Variants in SLC38A6 observed in about 807,000 individuals in gnomAD.
SLC38A6 encodes solute carrier family 38 member 6, also known as N system amino acid transporter NAT-1.
A neutral mutation model predicts 65.0 loss-of-function variants in SLC38A6; 73 were observed. The ratio of observed to expected loss-of-function variants is 1.12; its 90% confidence interval spans 0.93 to 1.37. The LOEUF is 1.37. Among genes scored for constraint, SLC38A6 ranks in the 40% most tolerant of loss-of-function variants. The probability of loss-of-function intolerance (pLI) is 0.00; values close to 1 mark genes in which losing one functional copy is unlikely to be tolerated. For missense variants in SLC38A6, 561 were observed against 531.1 expected (o/e 1.06, Z -0.55); for synonymous variants, 183 against 178.8 (o/e 1.02, Z -0.19).
At chr14:61,072,993 C>T (rs113457111) in intron 15 of SLC38A6, among the ~76,000 whole-genome samples, 45 of 152,150 alleles carry the variant, frequency 3.0e-4, no homozygotes, top group Non-Finnish European at 5.7e-4. Flanking sequence ...TACATCCCCC[C>T]CAACAGTGCA....
At chr14:61,030,834 A>T (rs1165917887) in intron 6 of SLC38A6, 1 of 177,770 alleles carries the variant, frequency 5.6e-6, no homozygotes, top group Admixed American at 6.2e-5. Flanking sequence ...ATAAAGGGTA[A>T]ATTTCTGGGG....
intron 13 of SLC38A6, among the ~76,000 whole-genome samples, chr14:61,051,159 A>T (rs529237742): frequency 4.1e-4 from 63 of 152,330 alleles, no homozygotes; most frequent in African/African-American, 1.4e-3. Flanking sequence ...TCTGAGAAAA[A>T]GGGAACAAAG....
At chr14:61,074,783 A>G (rs569247623) in intron 15 of SLC38A6, among the ~76,000 whole-genome samples, 32 of 149,378 alleles carry the variant, frequency 2.1e-4, no homozygotes, top group African/African-American at 7.4e-4. Flanking sequence ...CAAAAGGATA[A>G]GAAGCTGCTT....
At chr14:61,020,554 C>T (rs551360242) in intron 5 of SLC38A6, among the ~76,000 whole-genome samples, 7 of 152,118 alleles carry the variant, frequency 4.6e-5, no homozygotes, top group African/African-American at 1.7e-4. Context: ...GTGAATTGTG[C>T]TGCCATTGTT....
chr14:61,068,404 G>A (rs1222804458), intron 15 of SLC38A6, among the ~76,000 whole-genome samples: 1 of 152,054 alleles, frequency 6.6e-6, no homozygotes, highest in Admixed American at 6.5e-5. Flanking sequence ...TCCATGCCAT[G>A]GCCTACAAGG....
chr14:61,069,396 A>G (rs1415170542), intron 15 of SLC38A6, among the ~76,000 whole-genome samples: 1 of 151,982 alleles, frequency 6.6e-6, no homozygotes, highest in South Asian at 2.1e-4. Context: ...TACCCCCATT[A>G]ATCCCAGATT....
At chr14:61,015,374 ACTGCACCCACTGTC>A (rs1282707918) in intron 3 of SLC38A6, among the ~76,000 whole-genome samples, 1 of 151,886 alleles carries the variant, frequency 6.6e-6, no homozygotes, top group East Asian at 1.9e-4. Flanking sequence ...TGCTCGGTTC[ACTGCACCCACTGTC>A]CTGCACCCAC....
intron 6 of SLC38A6, chr14:61,034,141 A>G (rs969864699): frequency 6.6e-6 from 1 of 152,110 alleles, no homozygotes; most frequent in Non-Finnish European, 1.5e-5. Context: ...CCCACAGTTC[A>G]GTGCTTTGGT....
At position 61,037,125 on chromosome 14, in the gene SLC38A6, A is replaced by C; in HGVS notation, c.549A>C (p.Ala183=). Reference sequence around the variant, plus strand: ...GTGTTGGCATTGTGTTCCCTCTTGCACTTCTTCCCAAAATAGGTAAGTCTT... The same window carrying C: ...GTGTTGGCATTGTGTTCCCTCTTGCCCTTCTTCCCAAAATAGGTAAGTCTT... ...IICVGIVFPL[A]LLPKIGFLGY... is the part of the protein sequence containing the mutation. Residue 183 remains alanine (A), a synonymous_variant, in exon 7 of 16, where the codon GCA becomes GCC. Transcript: ENST00000267488. 3 of 1,603,668 alleles carry C rather than the reference A, an allele frequency of 1.9e-6. No individual in the cohort carries two copies. Among genetic ancestry groups the C allele is most frequent in the Non-Finnish European group, 2.6e-6 (3 of 1,174,638 alleles).
chr14:61,060,992 C>T (rs1026270472), intron 15 of SLC38A6, among the ~76,000 whole-genome samples: 5 of 151,346 alleles, frequency 3.3e-5, no homozygotes, highest in Admixed American at 6.6e-5. Flanking sequence ...GCGCACGGTG[C>T]GCGCACACAC....
At position 61,015,957 on chromosome 14, in the gene SLC38A6, G is replaced by C; in HGVS notation, c.363+1G>C. On this transcript the variant is annotated splice_donor_variant, in intron 4 of 15. Transcript: ENST00000267488. LOFTEE classifies it high-confidence loss of function. ...CTTTGCATTTGGATTACCTGGAAAG[G>C]TAATTTTTTTTCCTCCTCATTGTGT... 1 of 1,604,640 alleles carries C rather than the reference G, an allele frequency of 6.2e-7. No individual in the cohort carries two copies. Among genetic ancestry groups the C allele is most frequent in the Admixed American group, 1.7e-5 (1 of 57,772 alleles).
chr14:61,027,175 A>G (rs1241134672), intron 5 of SLC38A6, among the ~76,000 whole-genome samples: 1 of 152,132 alleles, frequency 6.6e-6, no homozygotes, highest in Non-Finnish European at 1.5e-5. Flanking sequence ...AGAAGTTTCT[A>G]TTAAATGAGT....
At position 61,083,573 on chromosome 14, in the gene SLC38A6, T is replaced by C. The variant is rs1039569940; in HGVS notation, c.1427T>C (p.Met476Thr). The C allele has an allele frequency of 8.4e-6, 13 of 1,550,324 alleles. No homozygotes were observed. The Admixed American group carries it at 1.2e-4, about 14-fold the overall frequency. The change falls in exon 17 of 17, where the codon ATG becomes ACG. Residue 476 changes from methionine (M) to threonine (T), a missense_variant. Met to Thr is a moderately conservative substitution (Grantham distance 81). Coordinates refer to the SLC38A6 transcript ENST00000354886. ...AGAAAAGGAAGAGATACCATGGAGA[T>C]GTGCACCCAGAGGAAAGGCCACGCA...
In SLC38A6 at chr14:61,018,304, C is replaced by A. The variant is rs540347212; in HGVS notation, c.364-1237C>A. On this transcript the variant is annotated intron_variant, in intron 4 of 15. Transcript: ENST00000267488. ...AAAATAGTCTTTTCACAAATAACTT[C>A]GACATTTTGGAACTAAGTTTTACAT... Among the ~76,000 whole-genome samples, 4 of 152,234 alleles carry A rather than the reference C, an allele frequency of 2.6e-5. No homozygotes were observed. In the South Asian group the frequency reaches 8.3e-4, roughly 32 times the overall value.
Position 61,052,536 on chromosome 14 carries a change from T to C in SLC38A6, c.*107T>C. The C allele has an allele frequency of 7.1e-7, 1 of 1,415,182 alleles. No individual in the cohort carries two copies. 87.7% of individuals were successfully genotyped at this position (1,415,182 alleles called of 1,614,324 possible). On this transcript the variant is annotated 3_prime_UTR_variant, in exon 16 of 16. Coordinates refer to ENST00000267488, the MANE Select transcript of SLC38A6 (RefSeq NM_153811.3). Reference sequence around the variant, plus strand: ...AAAATAACATTTTAATAAAAATTATTAACAGAAAAGCAGAACAAAATGGCA... The same window carrying C: ...AAAATAACATTTTAATAAAAATTATCAACAGAAAAGCAGAACAAAATGGCA...
intron 6 of SLC38A6, 128 bp from the exon 7 acceptor site, chr14:61,036,931 C>A: frequency 4.0e-6 from 2 of 500,564 alleles, no homozygotes; most frequent in Non-Finnish European, 7.0e-6. Flanking sequence ...GTAGGCTTTT[C>A]CTAATAGCTG....
chr14:61,001,000 G>A (rs2038673145), intron 3 of SLC38A6, among the ~76,000 whole-genome samples: 1 of 152,196 alleles, frequency 6.6e-6, no homozygotes, highest in African/African-American at 2.4e-5. Flanking sequence ...TCATAGTTCA[G>A]TAAACCCACA....
At chr14:61,008,643 T>C (rs1007013408) in intron 3 of SLC38A6, among the ~76,000 whole-genome samples, 9 of 152,180 alleles carry the variant, frequency 5.9e-5, no homozygotes, top group Non-Finnish European at 1.2e-4. Flanking sequence ...AGACATAGTT[T>C]TGGTTATTTT....
intron 8 of SLC38A6, among the ~76,000 whole-genome samples, chr14:61,041,500 G>A (rs188710870): frequency 2.2e-4 from 34 of 152,280 alleles, no homozygotes; most frequent in African/African-American, 8.2e-4. Flanking sequence ...ACTGATAAAT[G>A]AGGCAGCTCA....
Sources: gnomAD v4.1 joint callset for allele counts (sites outside exome capture counted in the v4.1 genomes callset) on GRCh38, gnomAD v4.1.1 for gene constraint, MANE v1.5 for transcripts, NCBI Gene and HGNC (gene_info 2026-07-23, HGNC 2026-07-21) for gene names.